Variants in RIMBP2 observed in about 807,000 individuals in gnomAD.
RIMBP2 encodes RIMS binding protein 2, also known as RIMS-binding protein 2.
Under a neutral mutation model 118.6 loss-of-function variants are expected in RIMBP2, and 48 were observed. The ratio of observed to expected loss-of-function variants is 0.40; its 90% CI spans 0.32 to 0.51. The LOEUF (loss-of-function observed/expected upper bound fraction) is 0.51. Ranked by LOEUF, RIMBP2 falls within the 20% of genes least tolerant of loss-of-function variation. The pLI, the probability that RIMBP2 is intolerant of heterozygous loss-of-function variation, is 0.41. For synonymous variants in RIMBP2, 762 were observed against 742.9 expected (o/e 1.03, Z -0.42); for missense variants, 1,551 against 1,768.3 (o/e 0.88, Z 2.20).
chr12:130,456,882 G>A (rs2079501662), intron 6 of RIMBP2, among the ~76,000 whole-genome samples, 182 bp from the exon 7 acceptor site: 1 of 152,210 alleles, frequency 6.6e-6, no homozygotes, highest in Admixed American at 6.5e-5. Flanking sequence ...TATCCTGTGT[G>A]CACGTGTCTG....
At chr12:130,468,392 G>A (rs538209987) in intron 6 of RIMBP2, among the ~76,000 whole-genome samples, 48 of 152,274 alleles carry the variant, frequency 3.2e-4, no homozygotes, top group African/African-American at 1.1e-3. Context: ...GTCCGAGGCC[G>A]GGCCTGAGAA....
intron 2 of RIMBP2, among the ~76,000 whole-genome samples, chr12:130,570,884 G>C (rs183147449): frequency 6.6e-6 from 1 of 152,188 alleles, no homozygotes; most frequent in African/African-American, 2.4e-5. Context: ...CTTTAAGCAG[G>C]TGGATAAAGG....
At chr12:130,404,983 T>G (rs1043144682) in intron 21 of RIMBP2, among the ~76,000 whole-genome samples, 1 of 152,090 alleles carries the variant, frequency 6.6e-6, no homozygotes, top group Non-Finnish European at 1.5e-5. Flanking sequence ...TGCAGATTAT[T>G]TAGTAAATGT....
At chr12:130,610,782 G>T (rs374614329) in intron 2 of RIMBP2, among the ~76,000 whole-genome samples, 6 of 151,594 alleles carry the variant, frequency 4.0e-5, no homozygotes, top group Non-Finnish European at 5.9e-5. Context: ...GGATGGTCTC[G>T]ATCTCCTGAC....
Position 130,609,240 on chromosome 12 carries a change from G to GC in RIMBP2, c.-217+19081dup, listed in dbSNP as rs543956498. ...AACTGAGTCTGTCACAAAGCTGTCT[G>GC]CCCCCCCACGTTTATACAGCACCAT... On this transcript the variant is annotated intron_variant, in intron 2 of 22. Coordinates refer to ENST00000690449, the MANE Select transcript of RIMBP2 (RefSeq NM_001393629.1). Among the ~76,000 whole-genome samples the GC allele has an allele frequency of 7.1e-4, 108 of 152,064 alleles. 1 individual carries two copies. In the Middle Eastern group the frequency reaches 0.01, roughly 14 times the overall value.
chr12:130,496,322 A>C (rs1338580917), intron 4 of RIMBP2, among the ~76,000 whole-genome samples: 1 of 151,880 alleles, frequency 6.6e-6, no homozygotes, highest in Non-Finnish European at 1.5e-5. Flanking sequence ...GTGACACATG[A>C]CTTTCACCTA....
intron 2 of RIMBP2, among the ~76,000 whole-genome samples, chr12:130,571,097 G>A (rs1001255255): frequency 2.6e-5 from 4 of 152,012 alleles, no homozygotes; most frequent in Non-Finnish European, 5.9e-5. Flanking sequence ...GAGGGAAGGG[G>A]CTAATCCATG....
Position 130,511,261 on chromosome 12 carries a change from G to A in RIMBP2, c.-126-4491C>T, listed in dbSNP as rs550920974. Among the ~76,000 whole-genome samples, 7 of 152,312 alleles carry A rather than the reference G, an allele frequency of 4.6e-5. No individual in the cohort carries two copies. Among genetic ancestry groups the A allele is most frequent in the African/African-American group, 1.7e-4 (7 of 41,566 alleles). ...GGAGAGACTGTCCCCCAGAGCCTCA[G>A]GAAAGCACACCGGCCTGCTGACATC... On this transcript the variant is annotated intron_variant, in intron 3 of 22. Transcript: ENST00000690449. The surrounding 1 kb of genome is among the most constrained non-coding windows in gnomAD (Gnocchi z 4.3).
intron 4 of RIMBP2, among the ~76,000 whole-genome samples, chr12:130,480,372 G>A (rs991871797): frequency 5.3e-5 from 8 of 152,060 alleles, no homozygotes; most frequent in Admixed American, 1.3e-4. Context: ...TGCCCCTTCC[G>A]ATGGCATATA....
intron 4 of RIMBP2, among the ~76,000 whole-genome samples, chr12:130,488,741 C>T (rs556903921): frequency 6.6e-6 from 1 of 151,980 alleles, no homozygotes; most frequent in Non-Finnish European, 1.5e-5. Flanking sequence ...CTCACTGCCT[C>T]AGGGAGGATG....
At chr12:130,467,709 C>A (rs2080616341) in intron 6 of RIMBP2, among the ~76,000 whole-genome samples, 1 of 152,172 alleles carries the variant, frequency 6.6e-6, no homozygotes, top group African/African-American at 2.4e-5. Context: ...ACCCAGAAGC[C>A]CCCGCTTCAA....
chr12:130,431,679 C>A lies in RIMBP2; in HGVS notation c.2253+3055G>T, dbSNP rs73150899. The A allele has an allele frequency of 1.3e-5, 2 of 154,700 alleles. No individual in the cohort carries two copies. The highest frequency in any genetic ancestry group is 2.4e-5 in the African/African-American group (1 of 41,382). 9.6% of individuals were successfully genotyped at this position (154,700 alleles called of 1,614,324 possible). A position where few individuals can be genotyped will look rare whatever the true frequency, so the allele number is the denominator to read the frequency against. On this transcript the variant is annotated intron_variant, in intron 14 of 22. Coordinates refer to ENST00000690449, the MANE Select transcript of RIMBP2 (RefSeq NM_001393629.1). This position sits in a 1 kb window ranked among gnomAD's most constrained non-coding sequence, Gnocchi z 4.0. ...TTTTTAAATTTTAATAGAAACAGACCTGTTTGCTCTGTTAAAAAACAAAAC... is the reference window on the plus strand; with the variant it reads ...TTTTTAAATTTTAATAGAAACAGACATGTTTGCTCTGTTAAAAAACAAAAC...
At chr12:130,552,029 C>A (rs2055836741) in intron 2 of RIMBP2, among the ~76,000 whole-genome samples, 1 of 152,250 alleles carries the variant, frequency 6.6e-6, no homozygotes, top group African/African-American at 2.4e-5. Flanking sequence ...GTCGTTTCCA[C>A]AGCATTGGAT....
At chr12:130,639,069 T>C (rs1403361618) in intron 1 of RIMBP2, among the ~76,000 whole-genome samples, 1 of 152,184 alleles carries the variant, frequency 6.6e-6, no homozygotes, top group Non-Finnish European at 1.5e-5. Context: ...TGATCAGTTT[T>C]TCTGTAAACC....
At chr12:130,406,145 G>T in intron 21 of RIMBP2, 27 bp downstream of exon 21, 1 of 1,290,472 alleles carries the variant, frequency 7.7e-7, no homozygotes, top group Non-Finnish European at 1.1e-6. Context: ...AAATCAAATG[G>T]TACTTCTTGA....
intron 11 of RIMBP2, among the ~76,000 whole-genome samples, chr12:130,440,544 C>T (rs965633235): frequency 2.6e-5 from 4 of 152,264 alleles, no homozygotes; most frequent in East Asian, 1.9e-4. Context: ...CTGAAGGCCC[C>T]GAGAGAGGTG....
intron 1 of RIMBP2, among the ~76,000 whole-genome samples, chr12:130,672,904 C>T (rs1594182174): frequency 1.3e-5 from 2 of 152,342 alleles, no homozygotes; most frequent in Non-Finnish European, 2.9e-5. Context: ...TTTAGATCCA[C>T]ACTTCGTCAC....
chr12:130,436,283 G>A (rs1478540379), intron 13 of RIMBP2, among the ~76,000 whole-genome samples: 3 of 152,160 alleles, frequency 2.0e-5, no homozygotes, highest in Non-Finnish European at 4.4e-5. Context: ...CAGTTAGCAG[G>A]CATGCAAATA....
At chr12:130,555,978 A>C (rs962555169) in intron 2 of RIMBP2, among the ~76,000 whole-genome samples, 2 of 152,164 alleles carry the variant, frequency 1.3e-5, no homozygotes, top group African/African-American at 4.8e-5. Flanking sequence ...CAGGAACATC[A>C]TGGTTGTCAT....
Sources: allele counts gnomAD v4.1 joint callset (sites outside exome capture counted in the v4.1 genomes callset), GRCh38; gene constraint gnomAD v4.1.1; non-coding constraint Gnocchi (gnomAD v3.1); transcripts MANE v1.5; gene names NCBI Gene and HGNC (gene_info 2026-07-23, HGNC 2026-07-21).